The following GLIS3 variants were observed in gnomAD, a reference collection of about 807,000 sequenced individuals.
GLIS3 encodes zinc finger protein GLIS3.
A neutral mutation model predicts 78.6 loss-of-function variants in GLIS3; 53 were observed. The ratio of observed to expected loss-of-function variants is 0.67; its 90% CI spans 0.54 to 0.85. GLIS3 has a LOEUF of 0.85. GLIS3 is among the 40% of genes least tolerant of loss of function. GLIS3 has a pLI of 0.00. For missense variants in GLIS3, 1,703 were observed against 1,231.1 expected (o/e 1.38, Z -5.74); for synonymous variants, 684 against 509.9 (o/e 1.34, Z -4.60).
At chr9:3,995,732 T>C (rs906101810) in intron 4 of GLIS3, among the ~76,000 whole-genome samples, 1 of 151,864 alleles carries the variant, frequency 6.6e-6, no homozygotes, top group African/African-American at 2.4e-5. Flanking sequence ...ACTTTGAAAA[T>C]GGTTGTGTAT....
intron 1 of GLIS3, among the ~76,000 whole-genome samples, chr9:4,297,151 G>T (rs1345419180): frequency 6.6e-6 from 1 of 152,122 alleles, no homozygotes; most frequent in African/African-American, 2.4e-5. Context: ...TCTAAAAAGG[G>T]AGGTCCAGTG....
intron 10 of GLIS3, 95 bp from the exon 11 acceptor site, chr9:3,828,503 C>A (rs1817853795): frequency 2.6e-6 from 4 of 1,532,578 alleles, no homozygotes; most frequent in Non-Finnish European, 3.6e-6. Context: ...CAAGTGAGGA[C>A]TGGGGGCTAA....
intron 2 of GLIS3, among the ~76,000 whole-genome samples, chr9:4,133,629 T>G (rs1165279671): frequency 6.6e-6 from 1 of 152,208 alleles, no homozygotes. Flanking sequence ...AGGTTAACAC[T>G]AGCAGTTACC....
rs149965225 is a variant in GLIS3, at chr9:4,028,121, C to G, written c.1710+89647G>C. Among the ~76,000 whole-genome samples, 405 of 152,280 alleles carry G rather than the reference C, an allele frequency of 2.7e-3. 3 individuals carry two copies. Among genetic ancestry groups the G allele is most frequent in the African/African-American group, 9.5e-3 (395 of 41,552 alleles). On this transcript the variant is annotated intron_variant, in intron 4 of 10. Transcript: ENST00000381971. ...GAACATCAACCAGGTCACAAAGACA[C>G]CACGTGCCATAGAGAATTTTGAAGC...
At chr9:4,084,886 G>A (rs1828891592) in intron 4 of GLIS3, among the ~76,000 whole-genome samples, 1 of 151,702 alleles carries the variant, frequency 6.6e-6, no homozygotes, top group Non-Finnish European at 1.5e-5. Flanking sequence ...TGTTCTTAAA[G>A]AAGCCTCTTG....
At chr9:4,121,672 C>G (rs2130896487) in intron 3 of GLIS3, among the ~76,000 whole-genome samples, 1 of 150,554 alleles carries the variant, frequency 6.6e-6, no homozygotes, top group African/African-American at 2.4e-5. Context: ...CCCCAAAGTT[C>G]TTAGAGAAAT....
chr9:3,953,498 A>T (rs1379515832), intron 4 of GLIS3, among the ~76,000 whole-genome samples: 1 of 152,134 alleles, frequency 6.6e-6, no homozygotes, highest in African/African-American at 2.4e-5. Context: ...ATATTCAATG[A>T]TTCCCTTGTA....
At chr9:4,096,165 A>C (rs957111959) in intron 4 of GLIS3, among the ~76,000 whole-genome samples, 14 of 152,348 alleles carry the variant, frequency 9.2e-5, no homozygotes, top group South Asian at 4.1e-4. Flanking sequence ...ATTTAAAAAA[A>C]CAAAACAAAA....
chr9:4,179,673 G>A (rs1224764118), intron 2 of GLIS3, among the ~76,000 whole-genome samples: 1 of 152,146 alleles, frequency 6.6e-6, no homozygotes, highest in Non-Finnish European at 1.5e-5. Flanking sequence ...ACTTTGGGAG[G>A]CTGAGGCAGG....
At chr9:3,918,032 C>G (rs933813595) in intron 6 of GLIS3, among the ~76,000 whole-genome samples, 4 of 152,192 alleles carry the variant, frequency 2.6e-5, no homozygotes, top group Non-Finnish European at 5.9e-5. Flanking sequence ...CATGAGATAA[C>G]TGATGGCACT....
chr9:4,256,144 C>G (rs145986812), intron 2 of GLIS3, among the ~76,000 whole-genome samples: 1 of 152,102 alleles, frequency 6.6e-6, no homozygotes, highest in African/African-American at 2.4e-5. Flanking sequence ...GACACTGGAA[C>G]AGATGAGCGA....
intron 4 of GLIS3, among the ~76,000 whole-genome samples, chr9:3,958,808 T>C (rs984332027): frequency 2.0e-4 from 31 of 151,774 alleles, no homozygotes; most frequent in African/African-American, 7.3e-4. Flanking sequence ...TAAATAGGAG[T>C]TCAACGTGCA....
chr9:4,268,537 T>G (rs1036730785), intron 2 of GLIS3, among the ~76,000 whole-genome samples: 5 of 152,208 alleles, frequency 3.3e-5, no homozygotes, highest in African/African-American at 1.2e-4. Context: ...TATGGTTTAG[T>G]GTACTTTGCC....
intron 4 of GLIS3, among the ~76,000 whole-genome samples, chr9:4,073,222 C>T (rs1455657856): frequency 6.6e-6 from 1 of 152,164 alleles, no homozygotes; most frequent in East Asian, 1.9e-4. Context: ...AGCATGATCG[C>T]TACAGCTGGG....
At chr9:3,963,860 C>A (rs533231320) in intron 4 of GLIS3, among the ~76,000 whole-genome samples, 93 of 152,148 alleles carry the variant, frequency 6.1e-4, no homozygotes, top group African/African-American at 2.1e-3. Context: ...GGGCCTTCCA[C>A]ATCACTTGAG....
chr9:4,114,087 G>T (rs1305206425), intron 4 of GLIS3, among the ~76,000 whole-genome samples: 1 of 152,158 alleles, frequency 6.6e-6, no homozygotes, highest in Non-Finnish European at 1.5e-5. Flanking sequence ...AGTCGTACGT[G>T]AAGGCAAGTC....
At chr9:4,321,273 T>A (rs1287149401) in intron 2 of GLIS3, among the ~76,000 whole-genome samples, 1 of 104,404 alleles carries the variant, frequency 9.6e-6, no homozygotes, top group Non-Finnish European at 1.8e-5. Flanking sequence ...ACAAAAAAAA[T>A]TAGCCGGGAG....
At chr9:4,402,646 A>G in the GLIS3 span, among the ~76,000 whole-genome samples, 1 of 152,222 alleles carries the variant, frequency 6.6e-6, no homozygotes, top group South Asian at 2.1e-4. Flanking sequence ...AAAAGAAGCA[A>G]GCAGCAATTC....
At chr9:4,251,492 C>A (rs1378973834) in intron 2 of GLIS3, among the ~76,000 whole-genome samples, 2 of 150,376 alleles carry the variant, frequency 1.3e-5, no homozygotes, top group Non-Finnish European at 2.9e-5. Context: ...TTATTTTGAG[C>A]CTATGTGTGT....
Sources: gnomAD v4.1 joint callset for allele counts (sites outside exome capture counted in the v4.1 genomes callset) on GRCh38, gnomAD v4.1.1 for gene constraint, MANE v1.5 for transcripts, NCBI Gene and HGNC (gene_info 2026-07-23, HGNC 2026-07-21) for gene names.